The following DGKZ variants were observed in gnomAD, a reference collection of about 807,000 sequenced individuals.
DGKZ encodes the protein DAG kinase zeta.
DGKZ carries 45 observed loss-of-function variants against 142.5 expected under a neutral mutation model. That is an observed-to-expected ratio of 0.32 (90% CI 0.25 to 0.40). The LOEUF (loss-of-function observed/expected upper bound fraction) is 0.40, where lower values mean the gene tolerates loss of function less well. Among genes scored for constraint, DGKZ ranks in the 10% least tolerant of loss-of-function variants. The probability of loss-of-function intolerance (pLI) is 1.00; values close to 1 mark genes in which losing one functional copy is unlikely to be tolerated. For synonymous variants in DGKZ, 442 were observed against 527.0 expected (o/e 0.84, Z 2.21); for missense variants, 755 against 1,306.5 (o/e 0.58, Z 6.51).
intron 1 of DGKZ, among the ~76,000 whole-genome samples, chr11:46,339,684 C>A (rs1195194476): frequency 6.6e-6 from 1 of 152,252 alleles, no homozygotes; most frequent in Non-Finnish European, 1.5e-5. Context: ...TTGGAGGGAA[C>A]CTGGGAAGGC....
intron 1 of DGKZ, chr11:46,366,520 G>A (rs1191730500): frequency 6.3e-7 from 1 of 1,593,910 alleles, no homozygotes. Context: ...GCTTCATCGT[G>A]GATAAGGTGC....
At chr11:46,359,861 G>A (rs191119415) in intron 1 of DGKZ, among the ~76,000 whole-genome samples, 55 of 148,986 alleles carry the variant, frequency 3.7e-4, no homozygotes, top group African/African-American at 1.3e-3. Flanking sequence ...CAGTTGATCC[G>A]CCCACCTCGG....
chr11:46,337,007 T>C (rs1330895816), intron 1 of DGKZ, among the ~76,000 whole-genome samples: 1 of 151,828 alleles, frequency 6.6e-6, no homozygotes, highest in African/African-American at 2.4e-5. Flanking sequence ...GGAGATAGAG[T>C]GAGATCCTGT....
At chr11:46,347,290 G>T (rs1191782628), upstream of DGKZ, 53 of 984,424 alleles carry the variant, frequency 5.4e-5, no homozygotes, top group Non-Finnish European at 6.3e-5. This position sits in a 1 kb window ranked among gnomAD's most constrained non-coding sequence, Gnocchi z 6.4. Flanking sequence ...GCTTTCTGCT[G>T]CCCCGCCCAT....
upstream of DGKZ, chr11:46,345,411 T>A (rs565401896): frequency 1.4e-6 from 2 of 1,432,168 alleles, no homozygotes; most frequent in East Asian, 6.1e-5. The surrounding 1 kb of genome is among the most constrained non-coding windows in gnomAD (Gnocchi z 4.1). Flanking sequence ...CCGGGCAGGA[T>A]GAGCGCACCG....
intron 1 of DGKZ, among the ~76,000 whole-genome samples, chr11:46,351,206 G>A (rs1405353360): frequency 6.6e-6 from 1 of 152,254 alleles, no homozygotes; most frequent in African/African-American, 2.4e-5. Flanking sequence ...GCAGGTCACA[G>A]GGCTTCTGGA....
intron 1 of DGKZ, among the ~76,000 whole-genome samples, chr11:46,336,977 C>T (rs571626949): frequency 1.3e-5 from 2 of 152,202 alleles, no homozygotes; most frequent in East Asian, 1.9e-4. Flanking sequence ...GCCACAATTG[C>T]GCCACTGCAC....
chr11:46,353,912 C>T (rs1000355309), intron 1 of DGKZ, among the ~76,000 whole-genome samples: 3 of 152,200 alleles, frequency 2.0e-5, no homozygotes, highest in Admixed American at 6.5e-5. Flanking sequence ...CAGCATCTCG[C>T]GGGTTAACAG....
At chr11:46,350,210 G>T (rs982261674) in intron 1 of DGKZ, among the ~76,000 whole-genome samples, 1 of 152,150 alleles carries the variant, frequency 6.6e-6, no homozygotes, top group Non-Finnish European at 1.5e-5. Flanking sequence ...CTCCTGGCAG[G>T]CCTGGGAGCT....
At chr11:46,346,896 C>A (rs1940675560), upstream of DGKZ, among the ~76,000 whole-genome samples, 1 of 152,092 alleles carries the variant, frequency 6.6e-6, no homozygotes, top group Admixed American at 6.5e-5. Flanking sequence ...GGTGTGTGTG[C>A]GAGTCATTAA....
chr11:46,344,898 A>G (rs943144233), upstream of DGKZ, among the ~76,000 whole-genome samples: 9 of 152,184 alleles, frequency 5.9e-5, no homozygotes, highest in African/African-American at 2.2e-4. Context: ...TCCAGGCCAC[A>G]CAGAGCTGGT....
chr11:46,355,322 A>G (rs1490907882), intron 1 of DGKZ, among the ~76,000 whole-genome samples: 3 of 151,452 alleles, frequency 2.0e-5, no homozygotes, highest in Non-Finnish European at 4.4e-5. Flanking sequence ...GTTAGCCAGG[A>G]TGGTCTCGAT....
chr11:46,373,274 GTTTTTTTTTTGT>G (rs1453895810), intron 14 of DGKZ, among the ~76,000 whole-genome samples, 173 bp downstream of exon 14: 2 of 120,916 alleles, frequency 1.7e-5, no homozygotes, highest in African/African-American at 6.2e-5. Flanking sequence ...TTTTTTCTGT[GTTTTTTTTTTGT>G]TTTTTTTTTT....
upstream of DGKZ, among the ~76,000 whole-genome samples, chr11:46,347,000 C>A (rs563058009): frequency 6.6e-6 from 1 of 152,228 alleles, no homozygotes; most frequent in East Asian, 1.9e-4. Context: ...GTTTGTTCTG[C>A]GTGCATGGGG....
In DGKZ at chr11:46,347,509, C is replaced by T; in HGVS notation, c.-151C>T. On this transcript the variant is annotated 5_prime_UTR_variant, in exon 1 of 31. Coordinates refer to ENST00000527911, the Ensembl canonical transcript of DGKZ. The surrounding 1 kb of genome is among the most constrained non-coding windows in gnomAD (Gnocchi z 6.4). ...GGCAGCGGCTTCCCGGGCACCTGGG[C>T]GTGGGGAGCGGGGGCGCGCGGCGCG... The T allele has an allele frequency of 2.1e-5, 21 of 982,146 alleles. No individual in the cohort carries two copies. The highest frequency in any genetic ancestry group is 2.5e-5 in the Non-Finnish European group (21 of 829,056). The allele number at this position is 982,146 out of a possible 1,614,324, so 60.8% of individuals were successfully genotyped here. A position where few individuals can be genotyped will look rare whatever the true frequency, so the allele number is the denominator to read the frequency against.
chr11:46,374,474 C>T lies in DGKZ; in HGVS notation c.1461+20C>T. On this transcript the variant is annotated intron_variant, in intron 16 of 30. Transcript: ENST00000527911. ...GCCGGGGTGAGTGGGGTCTGCACCC[C>T]CGCCTGTGCCCACCTCTTCTACCAC... The T allele has an allele frequency of 1.2e-6, 2 of 1,613,950 alleles. No homozygotes were observed. Among genetic ancestry groups the T allele is most frequent in the Non-Finnish European group, 1.7e-6 (2 of 1,180,028 alleles).
Position 46,372,911 on chromosome 11 carries a change from G to A in DGKZ, c.1185+27G>A, listed in dbSNP as rs1400779848. ...TAAGCACCCATAGGAGGGGGGTGCA[G>A]CTGGGGCCTCTCCAGCCACAGAGGG... On this transcript the variant is annotated intron_variant, in intron 13 of 30. Coordinates refer to ENST00000527911, the Ensembl canonical transcript of DGKZ. The surrounding 1 kb of genome is among the most constrained non-coding windows in gnomAD (Gnocchi z 5.9). The A allele has an allele frequency of 6.4e-7, 1 of 1,559,512 alleles. No individual in the cohort carries two copies. The highest frequency in any genetic ancestry group is 1.2e-5 in the South Asian group (1 of 85,020).
chr11:46,375,768 C>T, intron 20 of DGKZ, 83 bp from the exon 21 acceptor site: 13 of 1,519,056 alleles, frequency 8.6e-6, no homozygotes, highest in Non-Finnish European at 8.9e-6. Flanking sequence ...GACCTTCTCT[C>T]GGCAAGTGGT....
chr11:46,365,517 CCT>C, intron 1 of DGKZ: 1 of 985,396 alleles, frequency 1.0e-6, no homozygotes, highest in African/African-American at 1.7e-5. Flanking sequence ...GACTGAGCAG[CCT>C]CTCTCCCAGG....
Sources: gnomAD v4.1 joint callset for allele counts (sites outside exome capture counted in the v4.1 genomes callset) on GRCh38, gnomAD v4.1.1 for gene constraint, Gnocchi (gnomAD v3.1) non-coding constraint, MANE v1.5 for transcripts, NCBI Gene and HGNC (gene_info 2026-07-23, HGNC 2026-07-21) for gene names.